ADAMTSL3: variants seen among roughly 807,000 people sequenced by gnomAD.
ADAMTSL3 encodes the protein ADAMTS-like protein 3.
ADAMTSL3 carries 128 observed loss-of-function variants against 201.7 expected under a neutral mutation model. That is an observed-to-expected ratio of 0.63 (90% CI 0.55 to 0.73). The LOEUF is 0.73. Ranked by LOEUF, ADAMTSL3 falls within the 30% of genes least tolerant of loss-of-function variation. The pLI is 0.00. For synonymous variants in ADAMTSL3, 738 were observed against 748.4 expected (o/e 0.99, Z 0.23); for missense variants, 1,990 against 2,119.6 (o/e 0.94, Z 1.20).
At chr15:83,895,507 C>T (rs1269982772) in intron 13 of ADAMTSL3, among the ~76,000 whole-genome samples, 12 of 152,156 alleles carry the variant, frequency 7.9e-5, no homozygotes, top group Admixed American at 7.9e-4. Context: ...ACCCTTAATA[C>T]TTTTCACTTT....
intron 15 of ADAMTSL3, among the ~76,000 whole-genome samples, chr15:83,906,711 T>C (rs2077192321): frequency 1.3e-5 from 2 of 151,752 alleles, no homozygotes; most frequent in Admixed American, 1.3e-4. Flanking sequence ...ACTGTTTTGG[T>C]TTTTTCCAAA....
chr15:83,731,470 G>A (rs2062270231), intron 3 of ADAMTSL3, among the ~76,000 whole-genome samples: 2 of 152,170 alleles, frequency 1.3e-5, no homozygotes, highest in African/African-American at 2.4e-5. Flanking sequence ...ATGTAAATTA[G>A]TGCAGCTATT....
In ADAMTSL3 at chr15:83,773,667, C is replaced by T. The variant is rs2063023941; in HGVS notation, c.317+17C>T. The T allele has an allele frequency of 6.2e-7, 1 of 1,602,432 alleles. No homozygotes were observed. The highest frequency in any genetic ancestry group is 8.5e-7 in the Non-Finnish European group (1 of 1,176,046). ...GACTGGAAGGTTAGTGGTGGCTTCA[C>T]TTGCTCCTGCATGTGGAATGTGCCA... is the stretch of plus-strand genomic sequence containing the variant. On this transcript the variant is annotated intron_variant, in intron 4 of 29. Transcript: ENST00000286744.
intron 3 of ADAMTSL3, among the ~76,000 whole-genome samples, chr15:83,720,995 A>G (rs2062093067): frequency 6.6e-6 from 1 of 152,210 alleles, no homozygotes; most frequent in Non-Finnish European, 1.5e-5. Flanking sequence ...TTTTATTGTA[A>G]AATACTTGAA....
intron 17 of ADAMTSL3, among the ~76,000 whole-genome samples, chr15:83,938,250 C>T (rs2066495194): frequency 6.6e-6 from 1 of 152,166 alleles, no homozygotes; most frequent in African/African-American, 2.4e-5. Flanking sequence ...GTGATGCACT[C>T]ACCACCAATG....
At chr15:83,737,802 A>G (rs2062391539) in intron 3 of ADAMTSL3, among the ~76,000 whole-genome samples, 1 of 152,230 alleles carries the variant, frequency 6.6e-6, no homozygotes, top group East Asian at 1.9e-4. Context: ...TAAGAATGTT[A>G]AGAATTAGGA....
At chr15:83,822,117 G>A (rs1378363053) in intron 6 of ADAMTSL3, among the ~76,000 whole-genome samples, 20 of 149,032 alleles carry the variant, frequency 1.3e-4, no homozygotes, top group African/African-American at 4.9e-4. Flanking sequence ...GCGCCTGGCC[G>A]GGCGGGGGGC....
intron 19 of ADAMTSL3, among the ~76,000 whole-genome samples, chr15:83,966,521 T>C (rs2067091069): frequency 6.6e-6 from 1 of 152,024 alleles, no homozygotes. Context: ...AGTTCTGAAA[T>C]TGAGACAGTA....
At chr15:83,706,956 A>G (rs1011827625) in intron 3 of ADAMTSL3, among the ~76,000 whole-genome samples, 1 of 152,172 alleles carries the variant, frequency 6.6e-6, no homozygotes, top group African/African-American at 2.4e-5. Context: ...GGTGTGAGCC[A>G]CTGCGCCTGG....
intron 2 of ADAMTSL3, among the ~76,000 whole-genome samples, chr15:83,668,741 G>C (rs2061283629): frequency 6.6e-6 from 1 of 151,764 alleles, no homozygotes; most frequent in African/African-American, 2.4e-5. Flanking sequence ...ACTACATTTT[G>C]GTTCTGTTTC....
chr15:83,919,469 G>C (rs2066097882), intron 16 of ADAMTSL3, among the ~76,000 whole-genome samples: 1 of 152,168 alleles, frequency 6.6e-6, no homozygotes, highest in Non-Finnish European at 1.5e-5. Flanking sequence ...ACTGGGTTCA[G>C]GAATGTGAAG....
chr15:83,955,816 G>C (rs749434263), intron 19 of ADAMTSL3, among the ~76,000 whole-genome samples: 2 of 151,830 alleles, frequency 1.3e-5, no homozygotes, highest in Non-Finnish European at 2.9e-5. Flanking sequence ...CTCTTGACTG[G>C]TCTCTCTCCT....
intron 17 of ADAMTSL3, among the ~76,000 whole-genome samples, chr15:83,933,038 G>A (rs1023490313): frequency 5.3e-5 from 8 of 152,196 alleles, no homozygotes; most frequent in African/African-American, 1.4e-4. Context: ...TGAACCATCT[G>A]AAACTTTCTA....
At chr15:83,714,201 T>C (rs2562768) in intron 3 of ADAMTSL3, among the ~76,000 whole-genome samples, 127,458 of 152,180 alleles carry the variant, frequency 0.84, 53,893 homozygotes, top group East Asian at 0.96. Context: ...CCCTATCTTC[T>C]AGCTTGGACT....
At chr15:83,722,884 A>T (rs971115391) in intron 3 of ADAMTSL3, among the ~76,000 whole-genome samples, 5 of 152,132 alleles carry the variant, frequency 3.3e-5, no homozygotes, top group Non-Finnish European at 5.9e-5. Flanking sequence ...GAGTTAAATA[A>T]AAAATTTAAC....
At chr15:83,670,773 A>G (rs1346743021) in intron 2 of ADAMTSL3, among the ~76,000 whole-genome samples, 5 of 152,218 alleles carry the variant, frequency 3.3e-5, no homozygotes, top group African/African-American at 1.2e-4. Flanking sequence ...TGAGACACTT[A>G]GCACAACTGC....
At chr15:83,704,021 C>A (rs2585048) in intron 2 of ADAMTSL3, among the ~76,000 whole-genome samples, 119,390 of 143,934 alleles carry the variant, frequency 0.83, 49,888 homozygotes, top group East Asian at 0.96. Context: ...AAAAAAAACA[C>A]AAAAGGAAGA....
intron 26 of ADAMTSL3, among the ~76,000 whole-genome samples, chr15:84,022,773 C>T (rs2068228306): frequency 6.6e-6 from 1 of 152,148 alleles, no homozygotes; most frequent in Admixed American, 6.5e-5. Flanking sequence ...TCTCTTTTAT[C>T]GCTTGTCTCT....
intron 3 of ADAMTSL3, among the ~76,000 whole-genome samples, chr15:83,716,786 C>T (rs1034141030): frequency 9.2e-5 from 14 of 152,130 alleles, no homozygotes; most frequent in East Asian, 1.9e-4. Context: ...CAATTCTCAA[C>T]GCTTTCCACG....
Sources: allele counts gnomAD v4.1 joint callset (sites outside exome capture counted in the v4.1 genomes callset), GRCh38; gene constraint gnomAD v4.1.1; transcripts MANE v1.5; gene names NCBI Gene and HGNC (gene_info 2026-07-23, HGNC 2026-07-21).